ARHGEF10L: variants seen among roughly 807,000 people sequenced by gnomAD.
The protein encoded by ARHGEF10L is rho guanine nucleotide exchange factor 10-like protein.
A neutral mutation model predicts 141.2 loss-of-function variants in ARHGEF10L; 69 were observed. That is an observed-to-expected ratio of 0.49 (90% CI 0.40 to 0.60). The LOEUF is 0.60. Ranked by LOEUF, ARHGEF10L falls within the 20% of genes least tolerant of loss-of-function variation. ARHGEF10L has a pLI of 0.00. For synonymous variants in ARHGEF10L, 711 were observed against 718.5 expected, an observed-to-expected ratio of 0.99 and a Z score of 0.17; for missense variants, 1,482 against 1,734.3, an observed-to-expected ratio of 0.85 and a Z score of 2.58.
intron 2 of ARHGEF10L, among the ~76,000 whole-genome samples, chr1:17,586,714 G>A (rs2079050917): frequency 6.6e-6 from 1 of 152,182 alleles, no homozygotes; most frequent in South Asian, 2.1e-4. Flanking sequence ...TCCGAGCTTG[G>A]TGGGGAGTAC....
chr1:17,629,647 T>C (rs1188692271), intron 15 of ARHGEF10L, among the ~76,000 whole-genome samples: 1 of 152,092 alleles, frequency 6.6e-6, no homozygotes, highest in Non-Finnish European at 1.5e-5. Flanking sequence ...GTGGCTCAGG[T>C]TGGGCATGAG....
At chr1:17,690,432 T>C (rs940407465) in intron 27 of ARHGEF10L, among the ~76,000 whole-genome samples, 6 of 152,252 alleles carry the variant, frequency 3.9e-5, no homozygotes, top group Non-Finnish European at 8.8e-5. Flanking sequence ...CAGCGGTCCA[T>C]GATGGTGACA....
At chr1:17,661,636 G>C (rs1474696882) in intron 25 of ARHGEF10L, among the ~76,000 whole-genome samples, 2 of 152,166 alleles carry the variant, frequency 1.3e-5, no homozygotes, top group Non-Finnish European at 2.9e-5. Flanking sequence ...TTTTGGGGGG[G>C]TGTTTTCTCA....
chr1:17,611,120 G>A (rs2059528300), intron 7 of ARHGEF10L, among the ~76,000 whole-genome samples: 1 of 152,156 alleles, frequency 6.6e-6, no homozygotes. Context: ...CCCCTGCTCT[G>A]ATCTGGCCAA....
At chr1:17,611,155 A>C (rs1321194641) in intron 7 of ARHGEF10L, among the ~76,000 whole-genome samples, 1 of 152,138 alleles carries the variant, frequency 6.6e-6, no homozygotes, top group African/African-American at 2.4e-5. Context: ...TCTGATCCTA[A>C]CATTTCCTAG....
chr1:17,647,986 G>A (rs2061695883), intron 21 of ARHGEF10L, among the ~76,000 whole-genome samples: 1 of 152,126 alleles, frequency 6.6e-6, no homozygotes, highest in African/African-American at 2.4e-5. Flanking sequence ...CTGGAGGCAG[G>A]CGGCTTCCTA....
the ARHGEF10L span, among the ~76,000 whole-genome samples, chr1:17,520,923 G>A: frequency 1.3e-5 from 2 of 152,166 alleles, no homozygotes; most frequent in African/African-American, 4.8e-5. Context: ...TTGGAAGGCG[G>A]ACTGGCTGAC....
Position 17,664,629 on chromosome 1 carries a change from G to A in ARHGEF10L, c.3009+34G>A. The A allele has an allele frequency of 2.7e-6, 4 of 1,488,844 alleles. No homozygotes were observed. The South Asian group carries it at 4.0e-5, about 15-fold the overall frequency. The allele number at this position is 1,488,844 out of a possible 1,614,324, so 92.2% of individuals were successfully genotyped here. A position where few individuals can be genotyped will look rare whatever the true frequency, so the allele number is the denominator to read the frequency against. ...CTATCCTTTGGCTTGTGGCCCTGGA[G>A]GCCTGCCTTCCTTTTGCTGACCCTT... On this transcript the variant is annotated intron_variant, in intron 26 of 28. Coordinates refer to ENST00000361221, the MANE Select transcript of ARHGEF10L (RefSeq NM_018125.4).
rs1035695900 is a variant in ARHGEF10L at position 17,619,731 on chromosome 1, G to T, written c.942+286G>T. Among the ~76,000 whole-genome samples the T allele has an allele frequency of 2.0e-5, 3 of 152,166 alleles. No individual in the cohort carries two copies. Among genetic ancestry groups the T allele is most frequent in the Non-Finnish European group, 4.4e-5 (3 of 68,040 alleles). On this transcript the variant is annotated intron_variant, in intron 10 of 28. Transcript: ENST00000361221. This position sits in a 1 kb window ranked among gnomAD's most constrained non-coding sequence, Gnocchi z 5.0. ...ACTCCATGGCATGCAGAGCAGTCCC[G>T]TTGGCTGTTTCTGACTAAGGTGTCA...
chr1:17,550,356 G>A (rs976972923), intron 1 of ARHGEF10L, among the ~76,000 whole-genome samples: 1 of 152,090 alleles, frequency 6.6e-6, no homozygotes, highest in Non-Finnish European at 1.5e-5. Context: ...AAGTCCAAGG[G>A]GGTAGGCCGG....
rs1299581812 is a variant in ARHGEF10L, at chr1:17,623,513, AAGCC to A, written c.1200+341_1200+344del. ...TCTTACCGAGCACTTGAGGGGTTTC[AAGCC>A]AGTGTGAAATGCTGTGAAAGACCAC... On this transcript the variant is annotated intron_variant, in intron 12 of 28. Transcript: ENST00000361221. This position sits in a 1 kb window ranked among gnomAD's most constrained non-coding sequence, Gnocchi z 4.7. 1.3e-5 allele frequency among the ~76,000 whole-genome samples: 2 copies of A among 152,138 alleles called. No homozygotes were observed. Among genetic ancestry groups the A allele is most frequent in the East Asian group, 1.9e-4 (1 of 5,174 alleles).
chr1:17,683,616 C>CGGGCTG (rs1558026963), intron 26 of ARHGEF10L, among the ~76,000 whole-genome samples: 4 of 151,918 alleles, frequency 2.6e-5, no homozygotes, highest in Non-Finnish European at 4.4e-5. Context: ...TGAGACATGC[C>CGGGCTG]AGGCTGGGGC....
chr1:17,563,788 C>T (rs923104184), intron 1 of ARHGEF10L, among the ~76,000 whole-genome samples: 1 of 152,080 alleles, frequency 6.6e-6, no homozygotes, highest in Non-Finnish European at 1.5e-5. Flanking sequence ...ACTCCAGAGC[C>T]GGTGCACAGA....
At chr1:17,523,084 A>ATTTTTTTT in the ARHGEF10L span, among the ~76,000 whole-genome samples, 1 of 115,472 alleles carries the variant, frequency 8.7e-6, no homozygotes. Flanking sequence ...TTTGTTTTCC[A>ATTTTTTTT]TTTTTTTTTT....
chr1:17,654,768 G>T lies in ARHGEF10L; in HGVS notation c.2481+46G>T. 3 of 1,559,390 alleles carry T rather than the reference G, an allele frequency of 1.9e-6. No homozygotes were observed. The highest frequency in any genetic ancestry group is 2.6e-6 in the Non-Finnish European group (3 of 1,133,452). On this transcript the variant is annotated intron_variant, in intron 23 of 28. Transcript: ENST00000361221. This position sits in a 1 kb window ranked among gnomAD's most constrained non-coding sequence, Gnocchi z 4.3. Reference sequence around the variant, plus strand: ...GCTGGGCATTCTGGCCTCAGGACAGGAGTAGGGAGAGCGGCACCTGGGAGG... The same window carrying T: ...GCTGGGCATTCTGGCCTCAGGACAGTAGTAGGGAGAGCGGCACCTGGGAGG...
chr1:17,610,024 C>T (rs926127069), intron 7 of ARHGEF10L, among the ~76,000 whole-genome samples: 15 of 152,210 alleles, frequency 9.9e-5, no homozygotes, highest in African/African-American at 3.6e-4. Flanking sequence ...CGTTCCTCCT[C>T]CTCTCCCATG....
chr1:17,639,587 G>C lies in ARHGEF10L; in HGVS notation c.2172-615G>C, dbSNP rs74751398. Among the ~76,000 whole-genome samples, 1 of 152,040 alleles carries C rather than the reference G, an allele frequency of 6.6e-6. No individual in the cohort carries two copies. Among genetic ancestry groups the C allele is most frequent in the Admixed American group, 6.5e-5 (1 of 15,282 alleles). The stretch of plus-strand genomic sequence containing the variant: ...CTTCTCTCTGCCTCTCATTCTCCAC[G>C]TGCACCCTAGAGGCTTGTGACACTG... On this transcript the variant is annotated intron_variant, in intron 20 of 28. Transcript: ENST00000361221. This position sits in a 1 kb window ranked among gnomAD's most constrained non-coding sequence, Gnocchi z 4.3.
chr1:17,693,352 G>A (rs1010512650), intron 27 of ARHGEF10L, among the ~76,000 whole-genome samples: 4 of 152,212 alleles, frequency 2.6e-5, no homozygotes, highest in Non-Finnish European at 5.9e-5. Context: ...CTAGTGTGGG[G>A]TCTGCCATGC....
intron 1 of ARHGEF10L, among the ~76,000 whole-genome samples, chr1:17,548,107 C>T (rs758357642): frequency 1.3e-5 from 2 of 152,190 alleles, no homozygotes; most frequent in African/African-American, 4.8e-5. Flanking sequence ...CATGATATTG[C>T]GTGGCCCAGG....
Sources: allele counts gnomAD v4.1 joint callset (sites outside exome capture counted in the v4.1 genomes callset), GRCh38; gene constraint gnomAD v4.1.1; non-coding constraint Gnocchi (gnomAD v3.1); transcripts MANE v1.5; gene names NCBI Gene and HGNC (gene_info 2026-07-23, HGNC 2026-07-21).